The following ZMAT3 variants were observed in gnomAD, a reference collection of about 807,000 sequenced individuals.
The protein encoded by ZMAT3 is zinc finger matrin-type protein 3.
Under a neutral mutation model 32.3 loss-of-function variants are expected in ZMAT3, and 17 were observed. The observed-to-expected ratio is 0.53, with a 90% CI of 0.36 to 0.79. ZMAT3 has a LOEUF of 0.79. ZMAT3 is among the 30% of genes least tolerant of loss of function. ZMAT3 has a pLI of 0.00. For synonymous variants in ZMAT3, 120 were observed against 133.1 expected, an observed-to-expected ratio of 0.90 and a Z score of 0.68; for missense variants, 329 against 359.7, an observed-to-expected ratio of 0.91 and a Z score of 0.69.
chr3:179,017,235 A>G lies in ZMAT3; in HGVS notation c.*7782T>C, dbSNP rs1179291134. On this transcript the variant is annotated 3_prime_UTR_variant, in exon 6 of 6. Coordinates refer to ENST00000311417, the MANE Select transcript of ZMAT3 (RefSeq NM_022470.4). ...CATAACCAAACAATTTTCAGACAAG[A>G]CTCAGAAACCGTTTTATTAAACTGG... The G allele has an allele frequency of 6.6e-6, 1 of 152,132 alleles. No homozygotes were observed. The highest frequency in any genetic ancestry group is 1.9e-4 in the East Asian group (1 of 5,194). The allele number at this position is 152,132 out of a possible 1,614,324, so 9.4% of individuals were successfully genotyped here. A position where few individuals can be genotyped will look rare whatever the true frequency, so the allele number is the denominator to read the frequency against.
rs147956982 is a variant in ZMAT3, at chr3:179,051,065, G to A, written c.270+16418C>T. On this transcript the variant is annotated intron_variant, in intron 2 of 5. Transcript: ENST00000311417. ...CGGAAAAGTTGAAAGCATTCCCCCTGAGAACTGGAGCAAGACAAGGATGCC... is the reference window on the plus strand; with the variant it reads ...CGGAAAAGTTGAAAGCATTCCCCCTAAGAACTGGAGCAAGACAAGGATGCC... Among the ~76,000 whole-genome samples the A allele has an allele frequency of 3.9e-5, 6 of 152,242 alleles. No homozygotes were observed. In the East Asian group the frequency reaches 1.2e-3, roughly 29 times the overall value.
In ZMAT3 at chr3:179,020,048, A is replaced by T. The variant is rs1208949566; in HGVS notation, c.*4969T>A. 1.3e-5 allele frequency: 2 copies of T among 152,170 alleles called. No individual in the cohort carries two copies. The highest frequency in any genetic ancestry group is 3.8e-4 in the East Asian group (2 of 5,200). 9.4% of individuals were successfully genotyped at this position (152,170 alleles called of 1,614,324 possible). A position where few individuals can be genotyped will look rare whatever the true frequency, so the allele number is the denominator to read the frequency against. On this transcript the variant is annotated 3_prime_UTR_variant, in exon 6 of 6. Transcript: ENST00000311417. ...TCAATAATGACAATAGTTTTACTTGATATCAAATTGACATTTATTTAAAAA... is the reference window on the plus strand; with the variant it reads ...TCAATAATGACAATAGTTTTACTTGTTATCAAATTGACATTTATTTAAAAA...
intron 2 of ZMAT3, among the ~76,000 whole-genome samples, chr3:179,062,614 G>A (rs76074417): frequency 1.2e-4 from 18 of 152,292 alleles, no homozygotes; most frequent in South Asian, 6.2e-4. Context: ...CAGAGCTGGC[G>A]ATTTCAGAGA....
chr3:179,056,619 C>T (rs147147304), intron 2 of ZMAT3, among the ~76,000 whole-genome samples: 5 of 152,168 alleles, frequency 3.3e-5, no homozygotes, highest in African/African-American at 4.8e-5. Context: ...CCGGGGCGAG[C>T]GCCAGCCCAT....
chr3:179,059,748 C>T (rs542653121), intron 2 of ZMAT3, among the ~76,000 whole-genome samples: 1 of 152,292 alleles, frequency 6.6e-6, no homozygotes, highest in Non-Finnish European at 1.5e-5. Context: ...CTACTATGCC[C>T]TGATTCAGCA....
At chr3:179,059,237 G>A (rs563122791) in intron 2 of ZMAT3, among the ~76,000 whole-genome samples, 1 of 152,206 alleles carries the variant, frequency 6.6e-6, no homozygotes, top group South Asian at 2.1e-4. Context: ...ATCCCCTCCA[G>A]GAAACCAAGC....
intron 3 of ZMAT3, among the ~76,000 whole-genome samples, chr3:179,029,128 C>T (rs529568194): frequency 6.6e-6 from 1 of 150,612 alleles, no homozygotes; most frequent in Admixed American, 6.6e-5. Context: ...CATTGCACTC[C>T]AGCCTGGGCA....
rs976514880 is a variant in ZMAT3 at position 179,022,983 on chromosome 3, T to C, written c.*2034A>G. 1 of 152,196 alleles carries C rather than the reference T, an allele frequency of 6.6e-6. No individual in the cohort carries two copies. The highest frequency in any genetic ancestry group is 1.9e-4 in the East Asian group (1 of 5,204). The allele number at this position is 152,196 out of a possible 1,614,324, so 9.4% of individuals were successfully genotyped here. A position where few individuals can be genotyped will look rare whatever the true frequency, so the allele number is the denominator to read the frequency against. ...AATTAGTAATACAAGCAATCAAATG[T>C]GAACTGACCATTGTGCAAACATACT... On this transcript the variant is annotated 3_prime_UTR_variant, in exon 6 of 6. Transcript: ENST00000311417.
At chr3:179,052,596 C>T (rs1720627517) in intron 2 of ZMAT3, among the ~76,000 whole-genome samples, 1 of 152,224 alleles carries the variant, frequency 6.6e-6, no homozygotes, top group Admixed American at 6.5e-5. Flanking sequence ...GAGATTCCTT[C>T]CTTAAAGAAC....
chr3:179,057,197 A>C (rs1720892293), intron 2 of ZMAT3, among the ~76,000 whole-genome samples: 1 of 152,246 alleles, frequency 6.6e-6, no homozygotes, highest in Non-Finnish European at 1.5e-5. Flanking sequence ...TTAGGAGTAC[A>C]GAAACCCAAC....
chr3:179,066,308 A>C (rs1331971651), intron 2 of ZMAT3, among the ~76,000 whole-genome samples: 1 of 152,206 alleles, frequency 6.6e-6, no homozygotes, highest in African/African-American at 2.4e-5. Context: ...TAATTAACTC[A>C]ACTCTCTGCA....
At chr3:179,063,840 G>C (rs1320287555) in intron 2 of ZMAT3, among the ~76,000 whole-genome samples, 1 of 152,142 alleles carries the variant, frequency 6.6e-6, no homozygotes, top group Non-Finnish European at 1.5e-5. Flanking sequence ...ATATTTGATG[G>C]CTTCATTAAA....
At chr3:179,047,849 AC>A in intron 2 of ZMAT3, among the ~76,000 whole-genome samples, 1 of 151,418 alleles carries the variant, frequency 6.6e-6, no homozygotes, top group South Asian at 2.1e-4. Flanking sequence ...ACAGAGTAAG[AC>A]TCAGTCTCAA....
At chr3:179,030,792 C>T (rs1719138993) in intron 3 of ZMAT3, 88 bp downstream of exon 3, 5 of 1,514,084 alleles carry the variant, frequency 3.3e-6, no homozygotes, top group Non-Finnish European at 4.4e-6. Context: ...CCCTAATGGA[C>T]ACATGGACGA....
chr3:179,039,642 C>T (rs541689914), intron 2 of ZMAT3, among the ~76,000 whole-genome samples: 1 of 152,276 alleles, frequency 6.6e-6, no homozygotes, highest in Admixed American at 6.5e-5. Context: ...AGCAGAAAAG[C>T]TGAAAATTCT....
intron 2 of ZMAT3, among the ~76,000 whole-genome samples, chr3:179,049,449 C>T (rs932576839): frequency 2.6e-5 from 4 of 152,026 alleles, no homozygotes; most frequent in Non-Finnish European, 5.9e-5. Context: ...TTAAGAAAAT[C>T]GAACTTATAG....
intron 2 of ZMAT3, among the ~76,000 whole-genome samples, chr3:179,035,250 T>C (rs1396017549): frequency 1.3e-5 from 2 of 152,232 alleles, no homozygotes; most frequent in African/African-American, 2.4e-5. Flanking sequence ...CTACATGATC[T>C]GGCCCCGTCT....
chr3:179,051,113 C>T (rs1240150724), intron 2 of ZMAT3, among the ~76,000 whole-genome samples: 1 of 152,128 alleles, frequency 6.6e-6, no homozygotes, highest in African/African-American at 2.4e-5. Flanking sequence ...TTCTATTCAC[C>T]CTAGTACTGG....
Position 179,022,169 on chromosome 3 carries a change from G to C in ZMAT3, c.*2848C>G, listed in dbSNP as rs1718578606. 1 of 151,930 alleles carries C rather than the reference G, an allele frequency of 6.6e-6. No individual in the cohort carries two copies. Among genetic ancestry groups the C allele is most frequent in the Non-Finnish European group, 1.5e-5 (1 of 67,984 alleles). 9.4% of individuals were successfully genotyped at this position (151,930 alleles called of 1,614,324 possible). On this transcript the variant is annotated 3_prime_UTR_variant, in exon 6 of 6. Coordinates refer to ENST00000311417, the MANE Select transcript of ZMAT3 (RefSeq NM_022470.4). The stretch of plus-strand genomic sequence containing the variant: ...TTATGCATTCATAACATCCATTAAG[G>C]GCACTGGGAAACTGGAAACCTGAAT...
Sources: gnomAD v4.1 joint callset for allele counts (sites outside exome capture counted in the v4.1 genomes callset) on GRCh38, gnomAD v4.1.1 for gene constraint, MANE v1.5 for transcripts, NCBI Gene and HGNC (gene_info 2026-07-23, HGNC 2026-07-21) for gene names.